Variants in L3MBTL4 observed in about 807,000 individuals in gnomAD.
L3MBTL4 encodes the protein L3MBTL histone methyl-lysine binding protein 4, also known as lethal(3)malignant brain tumor-like protein 4.
L3MBTL4 carries 70 observed loss-of-function variants against 84.5 expected under a neutral mutation model. The observed-to-expected ratio is 0.83, with a 90% CI of 0.68 to 1.01. The LOEUF (loss-of-function observed/expected upper bound fraction) is 1.01. L3MBTL4 is among the 50% of genes least tolerant of loss of function. The pLI is 0.00. For synonymous variants in L3MBTL4, 274 were observed against 259.8 expected (o/e 1.05, Z -0.52); for missense variants, 715 against 754.8 (o/e 0.95, Z 0.62).
At chr18:6,360,595 G>GACC (rs144153934) in intron 1 of L3MBTL4, among the ~76,000 whole-genome samples, 2,104 of 152,246 alleles carry the variant, frequency 0.014, 46 homozygotes, top group African/African-American at 0.048. Flanking sequence ...AATGACATTA[G>GACC]ACCACGAGAT....
At chr18:5,957,368 C>G (rs1308576181) in intron 18 of L3MBTL4, among the ~76,000 whole-genome samples, 2 of 152,098 alleles carry the variant, frequency 1.3e-5, no homozygotes, top group Non-Finnish European at 2.9e-5. Context: ...TGTATTCAAT[C>G]TTGTTTTGAC....
At chr18:6,283,465 A>T (rs973402076) in intron 4 of L3MBTL4, among the ~76,000 whole-genome samples, 1 of 152,176 alleles carries the variant, frequency 6.6e-6, no homozygotes, top group Non-Finnish European at 1.5e-5. Context: ...CCTAAGCAGG[A>T]TAAAAATACT....
chr18:6,089,893 G>C (rs2058385008), intron 15 of L3MBTL4, among the ~76,000 whole-genome samples: 1 of 152,128 alleles, frequency 6.6e-6, no homozygotes. Context: ...TCCCAGATAA[G>C]CTTACCAGCT....
intron 1 of L3MBTL4, among the ~76,000 whole-genome samples, chr18:6,315,800 T>C (rs759133583): frequency 1.4e-4 from 22 of 152,232 alleles, no homozygotes; most frequent in Admixed American, 4.6e-4. Context: ...TGGCTTCATA[T>C]TGTCACTTTC....
At chr18:6,065,252 C>A (rs777782227) in intron 16 of L3MBTL4, among the ~76,000 whole-genome samples, 2 of 151,678 alleles carry the variant, frequency 1.3e-5, no homozygotes, top group East Asian at 3.9e-4. Flanking sequence ...TGGATTTGGT[C>A]AGTTAGTATT....
chr18:6,094,066 G>C (rs947865145), intron 14 of L3MBTL4, among the ~76,000 whole-genome samples: 1 of 152,204 alleles, frequency 6.6e-6, no homozygotes, highest in Admixed American at 6.5e-5. Flanking sequence ...GTAGGTGAGA[G>C]AGGAGAGGCC....
Position 6,374,797 on chromosome 18 carries a change from T to A in L3MBTL4, c.-91+40004A>T, listed in dbSNP as rs558111862. On this transcript the variant is annotated intron_variant, in intron 1 of 18. Transcript: ENST00000317931. ...CCCACACTCGCCACCACCATTTCCC[T>A]CAACACTGCCACTTCTATTACTGGC... 4.8e-3 allele frequency among the ~76,000 whole-genome samples: 729 copies of A among 152,110 alleles called. 4 individuals are homozygous for A. Among genetic ancestry groups the A allele is most frequent in the Non-Finnish European group, 7.8e-3 (532 of 67,978 alleles).
Position 6,163,310 on chromosome 18 carries a change from T to C in L3MBTL4, c.1096+8518A>G, listed in dbSNP as rs868818959. Among the ~76,000 whole-genome samples, 380 of 127,164 alleles carry C rather than the reference T, an allele frequency of 3.0e-3. 5 individuals are homozygous for C. The highest frequency in any genetic ancestry group is 0.011 in the African/African-American group (366 of 33,892). The allele number at this position is 127,164 out of a possible 152,430, so 83.4% of individuals were successfully genotyped here. A position where few individuals can be genotyped will look rare whatever the true frequency, so the allele number is the denominator to read the frequency against. On this transcript the variant is annotated intron_variant, in intron 13 of 18. Coordinates refer to ENST00000317931, the MANE Select transcript of L3MBTL4 (RefSeq NM_001330559.2). ...GTGTGTGTGTGTGTGTGTGTGTGGG[T>C]GGGTGTGTATTTTTGCTTTCACAAT...
intron 10 of L3MBTL4, among the ~76,000 whole-genome samples, chr18:6,232,172 G>A (rs185465356): frequency 5.1e-4 from 77 of 152,056 alleles, no homozygotes; most frequent in Admixed American, 1.1e-3. Flanking sequence ...TTTTGTTGCC[G>A]TGGTATATTA....
rs1289421153 is a variant in L3MBTL4 at position 6,071,842 on chromosome 18, G to GAGAGAA, written c.1444+9038_1444+9039insTTCTCT. Among the ~76,000 whole-genome samples, 576 of 101,026 alleles carry GAGAGAA rather than the reference G, an allele frequency of 5.7e-3. 8 individuals are homozygous for GAGAGAA. The highest frequency in any genetic ancestry group is 0.047 in the African/African-American group (561 of 12,012). The allele number at this position is 101,026 out of a possible 152,430, so 66.3% of individuals were successfully genotyped here. ...AAAGAAAGAAAGAAAGAAAGAGAAA[G>GAGAGAA]AGAGAGAGGGAGGGAGGGAGGAAGG... On this transcript the variant is annotated intron_variant, in intron 16 of 18. Transcript: ENST00000317931.
chr18:6,412,652 C>T (rs1382476485), intron 1 of L3MBTL4, among the ~76,000 whole-genome samples: 2 of 152,078 alleles, frequency 1.3e-5, no homozygotes, highest in Non-Finnish European at 2.9e-5. Context: ...CACCTCCTGC[C>T]TCTGCTCAGC....
intron 14 of L3MBTL4, among the ~76,000 whole-genome samples, chr18:6,095,404 G>A (rs989613015): frequency 8.1e-5 from 12 of 148,018 alleles, no homozygotes; most frequent in Admixed American, 1.4e-4. Context: ...CTGGAGTGCA[G>A]TGGTGCGATG....
chr18:6,092,339 C>T lies in L3MBTL4; in HGVS notation c.1373+1016G>A, dbSNP rs375174071. 2.4e-4 allele frequency among the ~76,000 whole-genome samples: 37 copies of T among 152,270 alleles called. 1 individual carries two copies. The East Asian group carries it at 6.6e-3, about 27-fold the overall frequency. Reference sequence around the variant, plus strand: ...CCAAATTCTCCGAATAAACTGGCGCCCCCTTGAAGAGAAGGAGCACCTCCC... The same window carrying T: ...CCAAATTCTCCGAATAAACTGGCGCTCCCTTGAAGAGAAGGAGCACCTCCC... On this transcript the variant is annotated intron_variant, in intron 15 of 18. Transcript: ENST00000317931.
chr18:6,074,832 T>C (rs531082970), intron 16 of L3MBTL4, among the ~76,000 whole-genome samples: 3 of 152,202 alleles, frequency 2.0e-5, no homozygotes, highest in African/African-American at 7.2e-5. Context: ...TATGACATAT[T>C]CCAGCTAAAA....
chr18:6,407,578 T>C (rs2055787781), intron 1 of L3MBTL4, among the ~76,000 whole-genome samples: 1 of 152,216 alleles, frequency 6.6e-6, no homozygotes, highest in African/African-American at 2.4e-5. Context: ...TACATGATCA[T>C]AATTATAATA....
At chr18:5,986,900 C>G (rs554206708) in intron 16 of L3MBTL4, among the ~76,000 whole-genome samples, 134 of 152,302 alleles carry the variant, frequency 8.8e-4, no homozygotes, top group African/African-American at 3.2e-3. Flanking sequence ...AAATTAAATC[C>G]CTTGTATGAG....
intron 16 of L3MBTL4, among the ~76,000 whole-genome samples, chr18:6,025,478 G>A (rs2055458169): frequency 6.6e-6 from 1 of 152,136 alleles, no homozygotes; most frequent in Admixed American, 6.5e-5. Context: ...ATGCATTTGT[G>A]TGTGAATATA....
At chr18:6,261,153 T>C (rs895995352) in intron 5 of L3MBTL4, among the ~76,000 whole-genome samples, 1 of 152,234 alleles carries the variant, frequency 6.6e-6, no homozygotes, top group Non-Finnish European at 1.5e-5. Flanking sequence ...AGATTGTTGC[T>C]GTGTTATTAT....
At chr18:6,093,763 G>A (rs564692822) in intron 14 of L3MBTL4, among the ~76,000 whole-genome samples, 21 of 152,158 alleles carry the variant, frequency 1.4e-4, no homozygotes, top group African/African-American at 4.1e-4. Context: ...CAACACATAC[G>A]GCATTTATAA....
Sources: gnomAD v4.1 joint callset for allele counts (sites outside exome capture counted in the v4.1 genomes callset) on GRCh38, gnomAD v4.1.1 for gene constraint, MANE v1.5 for transcripts, NCBI Gene and HGNC (gene_info 2026-07-23, HGNC 2026-07-21) for gene names.